The following GDPD1 variants were observed in gnomAD, a reference collection of about 807,000 sequenced individuals.
GDPD1 encodes the protein glycerophosphodiester phosphodiesterase domain containing 1, also known as lysophospholipase D GDPD1.
A neutral mutation model predicts 45.1 loss-of-function variants in GDPD1; 28 were observed. The observed-to-expected ratio is 0.62, with a 90% CI of 0.46 to 0.85. The LOEUF is 0.85. Among genes scored for constraint, GDPD1 ranks in the 40% least tolerant of loss-of-function variants. The probability of loss-of-function intolerance (pLI) is 0.00; values close to 1 mark genes in which losing one functional copy is unlikely to be tolerated. For missense variants in GDPD1, 256 were observed against 364.8 expected (o/e 0.70, Z 2.43); for synonymous variants, 139 against 131.4 (o/e 1.06, Z -0.40).
chr17:59,247,172 G>A (rs190881851), intron 3 of GDPD1, among the ~76,000 whole-genome samples: 9 of 152,210 alleles, frequency 5.9e-5, no homozygotes, highest in Non-Finnish European at 1.0e-4. Context: ...CACAGTTACC[G>A]CACAGACACA....
At chr17:59,232,876 C>T (rs185147415) in intron 1 of GDPD1, among the ~76,000 whole-genome samples, 127 of 140,928 alleles carry the variant, frequency 9.0e-4, no homozygotes, top group African/African-American at 3.4e-3. Context: ...TCTGATGTTT[C>T]TTCTCACTTA....
intron 6 of GDPD1, among the ~76,000 whole-genome samples, chr17:59,259,166 G>A (rs968484381): frequency 4.5e-4 from 67 of 147,462 alleles, no homozygotes; most frequent in African/African-American, 1.5e-3. Context: ...ACAGTGGCTC[G>A]CCCCTGTAAT....
chr17:59,253,012 A>G lies in GDPD1; in HGVS notation c.368-4110A>G, dbSNP rs1458093376. ...GTCTCAACAACAAAAAAAAGTGTTAACCAAATGGTTTGTTATTATCTATCC... is the reference window on the plus strand; with the variant it reads ...GTCTCAACAACAAAAAAAAGTGTTAGCCAAATGGTTTGTTATTATCTATCC... On this transcript the variant is annotated intron_variant, in intron 4 of 9. Coordinates refer to ENST00000284116, the MANE Select transcript of GDPD1 (RefSeq NM_182569.4). Among the ~76,000 whole-genome samples the G allele has an allele frequency of 2.0e-5, 3 of 152,180 alleles. No homozygotes were observed. In the South Asian group the frequency reaches 6.2e-4, roughly 32 times the overall value.
chr17:59,230,216 A>T (rs1568338235), intron 1 of GDPD1, among the ~76,000 whole-genome samples: 1 of 152,136 alleles, frequency 6.6e-6, no homozygotes, highest in Non-Finnish European at 1.5e-5. Flanking sequence ...TAAACTGTTG[A>T]AGTTTTATAT....
In GDPD1 at chr17:59,262,216, A is replaced by T. The variant is rs533725885; in HGVS notation, c.576+4376A>T. Among the ~76,000 whole-genome samples, 27 of 152,130 alleles carry T rather than the reference A, an allele frequency of 1.8e-4. No homozygotes were observed. In the South Asian group the frequency reaches 3.5e-3, roughly 20 times the overall value. ...ATTACAGGCGTACAGGCATTTTTTT[A>T]AAAATAAAAATACGTTACCAGGGAG... is the stretch of plus-strand genomic sequence containing the variant. On this transcript the variant is annotated intron_variant, in intron 6 of 9. Coordinates refer to ENST00000284116, the MANE Select transcript of GDPD1 (RefSeq NM_182569.4).
At chr17:59,252,398 C>T (rs1338580082) in intron 4 of GDPD1, among the ~76,000 whole-genome samples, 4 of 151,624 alleles carry the variant, frequency 2.6e-5, no homozygotes, top group Non-Finnish European at 5.9e-5. Context: ...GCCACCACTC[C>T]CAGCTAATTT....
At chr17:59,221,295 A>G (rs919725782) in intron 1 of GDPD1, among the ~76,000 whole-genome samples, 1 of 152,016 alleles carries the variant, frequency 6.6e-6, no homozygotes, top group African/African-American at 2.4e-5. Context: ...AGCACTCATA[A>G]TTGAGAAGAG....
At position 59,273,923 on chromosome 17, in the gene GDPD1, C is replaced by G. The variant is rs2047461530; in HGVS notation, c.*150C>G. ...TTAAGCCTGTATGAGAATGTAGAAA[C>G]TATATATTATATGTATATTTATTTT... On this transcript the variant is annotated 3_prime_UTR_variant, in exon 10 of 10. Transcript: ENST00000284116. The G allele has an allele frequency of 2.2e-6, 2 of 896,322 alleles. No homozygotes were observed. Among genetic ancestry groups the G allele is most frequent in the Non-Finnish European group, 2.8e-6 (2 of 718,386 alleles). 55.5% of individuals were successfully genotyped at this position (896,322 alleles called of 1,614,324 possible).
intron 1 of GDPD1, among the ~76,000 whole-genome samples, chr17:59,229,516 C>T (rs1360350023): frequency 1.3e-5 from 2 of 151,330 alleles, no homozygotes; most frequent in Non-Finnish European, 1.5e-5. Context: ...TGAGCCACTG[C>T]GCCTGGCCTA....
chr17:59,268,454 C>CTGTA (rs1477753267), intron 7 of GDPD1, among the ~76,000 whole-genome samples: 2 of 151,576 alleles, frequency 1.3e-5, no homozygotes, highest in Non-Finnish European at 2.9e-5. Context: ...TGGCGGGCGC[C>CTGTA]TGTAGTCCCA....
intron 1 of GDPD1, among the ~76,000 whole-genome samples, chr17:59,226,622 G>A (rs1041628054): frequency 6.6e-6 from 1 of 152,122 alleles, no homozygotes; most frequent in Non-Finnish European, 1.5e-5. Context: ...AGATGGTATT[G>A]TATATAAAAC....
intron 3 of GDPD1, among the ~76,000 whole-genome samples, chr17:59,248,356 AT>A (rs71367680): frequency 0.085 from 12,983 of 152,094 alleles, 707 homozygotes; most frequent in Middle Eastern, 0.21. Context: ...GAGCATTATA[AT>A]TATACCAAAA....
rs561636937 is a variant in GDPD1 at position 59,258,529 on chromosome 17, C to T, written c.576+689C>T. Among the ~76,000 whole-genome samples the T allele has an allele frequency of 1.3e-3, 191 of 152,020 alleles. 2 individuals are homozygous for T. In the South Asian group the frequency reaches 0.018, roughly 14 times the overall value. Reference sequence around the variant, plus strand: ...CTGCACTCCAGTCTGGGCAACAGAGCAAGACTCTGTCTCAAAAAAAACAAA... The same window carrying T: ...CTGCACTCCAGTCTGGGCAACAGAGTAAGACTCTGTCTCAAAAAAAACAAA... On this transcript the variant is annotated intron_variant, in intron 6 of 9. Transcript: ENST00000284116.
At chr17:59,229,362 T>C (rs2047071996) in intron 1 of GDPD1, among the ~76,000 whole-genome samples, 1 of 151,038 alleles carries the variant, frequency 6.6e-6, no homozygotes, top group Admixed American at 6.6e-5. Context: ...TAAACTGGGA[T>C]TACAGGCACC....
chr17:59,254,086 G>C (rs554706064), intron 4 of GDPD1, among the ~76,000 whole-genome samples: 6 of 151,150 alleles, frequency 4.0e-5, no homozygotes, highest in Non-Finnish European at 7.4e-5. Context: ...AAAGGGCCGG[G>C]TGCGGTGGCT....
chr17:59,234,870 GGCT>G (rs1328542695), intron 2 of GDPD1, among the ~76,000 whole-genome samples: 2 of 151,988 alleles, frequency 1.3e-5, no homozygotes, highest in Non-Finnish European at 2.9e-5. Context: ...CTGTTACAGT[GGCT>G]GCTATTTATG....
In GDPD1 at chr17:59,272,557, CAAG is replaced by C. The variant is rs1290888999; in HGVS notation, c.771-224_771-222del. On this transcript the variant is annotated intron_variant, in intron 8 of 9. Coordinates refer to ENST00000284116, the MANE Select transcript of GDPD1 (RefSeq NM_182569.4). Reference sequence around the variant, plus strand: ...GGGTCTCCTATGAATCTGGTAGCAGCAAGAAGTAGAAAGGAGGTTCTGGTTGTC... The same window carrying C: ...GGGTCTCCTATGAATCTGGTAGCAGCAAGTAGAAAGGAGGTTCTGGTTGTC... 2.6e-5 allele frequency among the ~76,000 whole-genome samples: 4 copies of C among 152,166 alleles called. No individual in the cohort carries two copies. In the East Asian group the frequency reaches 7.7e-4, roughly 29 times the overall value.
intron 4 of GDPD1, among the ~76,000 whole-genome samples, chr17:59,255,893 A>AT (rs2047305318): frequency 7.1e-6 from 1 of 141,240 alleles, no homozygotes. Flanking sequence ...ACACACACAC[A>AT]TATATATATA....
In GDPD1 at chr17:59,274,955, C is replaced by G. The variant is rs2047471396; in HGVS notation, c.*1182C>G. Among the ~76,000 whole-genome samples, 2 of 151,372 alleles carry G rather than the reference C, an allele frequency of 1.3e-5. No individual in the cohort carries two copies. Among genetic ancestry groups the G allele is most frequent in the Non-Finnish European group, 2.9e-5 (2 of 67,870 alleles). On this transcript the variant is annotated 3_prime_UTR_variant, in exon 10 of 10. Transcript: ENST00000284116. ...CTCCCAGGTTCCAGCAATTCTCCTG[C>G]CTCTGCCTCCCGAGTACCTGGGATT...
Sources: gnomAD v4.1 joint callset for allele counts (sites outside exome capture counted in the v4.1 genomes callset) on GRCh38, gnomAD v4.1.1 for gene constraint, MANE v1.5 for transcripts, NCBI Gene and HGNC (gene_info 2026-07-23, HGNC 2026-07-21) for gene names.